The following ZNF365 variants were observed in gnomAD, a reference collection of about 807,000 sequenced individuals.
ZNF365 encodes zinc finger protein 365, also known as protein ZNF365.
In ZNF365, 22 loss-of-function variants were observed where a neutral mutation model predicts 35.0. That is an observed-to-expected ratio of 0.63 (90% confidence interval 0.45 to 0.90). ZNF365 has a LOEUF of 0.90. Ranked by LOEUF, ZNF365 falls within the 40% of genes least tolerant of loss-of-function variation. The probability of loss-of-function intolerance (pLI) is 0.00; values close to 1 mark genes in which losing one functional copy is unlikely to be tolerated. For missense variants in ZNF365, 448 were observed against 500.3 expected (o/e 0.90, Z 1.00); for synonymous variants, 188 against 196.2 (o/e 0.96, Z 0.35).
At chr10:62,378,046 T>A (rs2132407639) in intron 2 of ZNF365, among the ~76,000 whole-genome samples, 1 of 152,376 alleles carries the variant, frequency 6.6e-6, no homozygotes, top group African/African-American at 2.4e-5. Flanking sequence ...CTAGACATTT[T>A]TTGTTCAGGC....
chr10:62,387,575 A>G (rs1227695778), intron 2 of ZNF365, among the ~76,000 whole-genome samples: 1 of 152,176 alleles, frequency 6.6e-6, no homozygotes, highest in Admixed American at 6.5e-5. Context: ...ATGTAGATAA[A>G]GGAGTAGTTG....
chr10:62,398,064 A>G (rs1589435445), intron 3 of ZNF365, among the ~76,000 whole-genome samples: 1 of 152,158 alleles, frequency 6.6e-6, no homozygotes, highest in Non-Finnish European at 1.5e-5. Context: ...TAAAAGTAGA[A>G]CTACTGTTCG....
intron 3 of ZNF365, among the ~76,000 whole-genome samples, chr10:62,418,725 T>C (rs1312384678): frequency 1.3e-5 from 2 of 152,134 alleles, no homozygotes; most frequent in African/African-American, 2.4e-5. Flanking sequence ...GTATTGGCTC[T>C]GTCTTCAGTA....
At chr10:62,444,218 G>C (rs1417614621) in intron 3 of ZNF365, among the ~76,000 whole-genome samples, 3 of 152,140 alleles carry the variant, frequency 2.0e-5, no homozygotes, top group Non-Finnish European at 4.4e-5. Flanking sequence ...TGCATTCTCT[G>C]CTCTTCTCTG....
exon 5 of ZNF365, chr10:62,479,939 G>C (rs757059444): frequency 8.1e-6 from 13 of 1,610,770 alleles, no homozygotes; most frequent in Middle Eastern, 1.6e-4. Flanking sequence ...CTTGGATCAA[G>C]AGAATCGCAA....
chr10:62,380,877 A>C (rs765767002), intron 2 of ZNF365, among the ~76,000 whole-genome samples: 7 of 152,318 alleles, frequency 4.6e-5, no homozygotes, highest in Non-Finnish European at 8.8e-5. Context: ...GGGGTCTGGA[A>C]AATTTGAGTA....
intron 3 of ZNF365, among the ~76,000 whole-genome samples, chr10:62,448,589 G>A (rs1171334847): frequency 6.6e-6 from 1 of 152,012 alleles, no homozygotes; most frequent in Non-Finnish European, 1.5e-5. Flanking sequence ...CACATAAACG[G>A]TCCCCTTTAA....
chr10:62,431,474 C>G (rs1840332937), intron 3 of ZNF365, among the ~76,000 whole-genome samples: 1 of 151,874 alleles, frequency 6.6e-6, no homozygotes, highest in African/African-American at 2.4e-5. Flanking sequence ...TTTTTAACAG[C>G]AACATAGTCT....
intron 3 of ZNF365, among the ~76,000 whole-genome samples, chr10:62,398,220 G>T (rs1233099172): frequency 6.6e-6 from 1 of 152,112 alleles, no homozygotes; most frequent in African/African-American, 2.4e-5. Context: ...ACCAACGAGT[G>T]GATAAAGAAA....
intron 4 of ZNF365, among the ~76,000 whole-genome samples, chr10:62,473,143 T>A (rs1228717894): frequency 6.6e-6 from 1 of 152,244 alleles, no homozygotes; most frequent in Non-Finnish European, 1.5e-5. Flanking sequence ...GTTTTCTGGG[T>A]AGATTCAGGC....
rs149706832 is a variant in ZNF365 at position 62,465,232 on chromosome 10, C to T, written c.981+5435C>T. ...GTCAGGTTGCACATGCTTGGAGCAG[C>T]GCTGACACACCAGTCGCCTCTCCAA... On this transcript the variant is annotated intron_variant, in intron 4 of 4. Transcript: ENST00000395255. 4.4e-3 allele frequency among the ~76,000 whole-genome samples: 675 copies of T among 152,284 alleles called. 4 individuals carry two copies. Among genetic ancestry groups the T allele is most frequent in the African/African-American group, 0.015 (639 of 41,558 alleles).
At chr10:62,433,401 T>C (rs1030880142) in intron 3 of ZNF365, among the ~76,000 whole-genome samples, 1 of 152,184 alleles carries the variant, frequency 6.6e-6, no homozygotes, top group Non-Finnish European at 1.5e-5. Flanking sequence ...TCTGTCCCTC[T>C]GATTGCAAGT....
At chr10:62,444,849 T>C (rs960930130) in intron 3 of ZNF365, among the ~76,000 whole-genome samples, 4 of 152,112 alleles carry the variant, frequency 2.6e-5, no homozygotes, top group African/African-American at 9.7e-5. Flanking sequence ...TATGTATACA[T>C]GTGCCATGCT....
At chr10:62,429,069 T>C (rs1840295874) in intron 3 of ZNF365, among the ~76,000 whole-genome samples, 1 of 152,068 alleles carries the variant, frequency 6.6e-6, no homozygotes, top group South Asian at 2.1e-4. Flanking sequence ...CTTGTGCCTT[T>C]GGCCTCTATC....
chr10:62,392,678 T>G (rs980900923), intron 3 of ZNF365, among the ~76,000 whole-genome samples: 2 of 152,192 alleles, frequency 1.3e-5, no homozygotes, highest in Non-Finnish European at 2.9e-5. Context: ...GTTGCCAGGC[T>G]AGAGTGCAGT....
At chr10:62,415,828 G>A (rs1840064984) in intron 3 of ZNF365, among the ~76,000 whole-genome samples, 1 of 152,082 alleles carries the variant, frequency 6.6e-6, no homozygotes, top group African/African-American at 2.4e-5. Context: ...TTGCCAATTT[G>A]TTAAAATTTG....
chr10:62,401,789 C>T lies in ZNF365; in HGVS notation c.*2000C>T, dbSNP rs1307121066. Reference sequence around the variant, plus strand: ...TAAAGTAACTGACATTTTGGATTTTCATCTAACATAGAGGGCATGGCAACT... The same window carrying T: ...TAAAGTAACTGACATTTTGGATTTTTATCTAACATAGAGGGCATGGCAACT... On this transcript the variant is annotated 3_prime_UTR_variant, in exon 5 of 5. Coordinates refer to ENST00000395254, the MANE Select transcript of ZNF365 (RefSeq NM_014951.3). 1.0e-6 allele frequency: 1 copy of T among 985,404 alleles called. No individual in the cohort carries two copies. The highest frequency in any genetic ancestry group is 1.7e-5 in the African/African-American group (1 of 57,234). The allele number at this position is 985,404 out of a possible 1,614,324, so 61.0% of individuals were successfully genotyped here.
At chr10:62,388,180 T>G (rs1207096510) in intron 2 of ZNF365, among the ~76,000 whole-genome samples, 3 of 152,242 alleles carry the variant, frequency 2.0e-5, no homozygotes, top group Non-Finnish European at 4.4e-5. Context: ...CCATCTGACA[T>G]ATATTTATTT....
At position 62,389,443 on chromosome 10, in the gene ZNF365, T is replaced by TG. The variant is rs200568967; in HGVS notation, c.924+867_924+868insG. Among the ~76,000 whole-genome samples, 862 of 151,888 alleles carry TG rather than the reference T, an allele frequency of 5.7e-3. 7 individuals are homozygous for TG. Among genetic ancestry groups the TG allele is most frequent in the African/African-American group, 0.02 (842 of 41,482 alleles). ...AGCAGATTTAAAAATAGTTTTGTTT[T>TG]TTTTTTTACTGCTTCCACCCCCGCA... On this transcript the variant is annotated intron_variant, in intron 3 of 4. Transcript: ENST00000395254.
Sources: allele counts gnomAD v4.1 joint callset (sites outside exome capture counted in the v4.1 genomes callset), GRCh38; gene constraint gnomAD v4.1.1; transcripts MANE v1.5; gene names NCBI Gene and HGNC (gene_info 2026-07-23, HGNC 2026-07-21).